The following PRTG variants were observed in gnomAD, a reference collection of about 807,000 sequenced individuals.
PRTG encodes protogenin, also known as immunoglobulin superfamily, DCC subclass, member 5.
In PRTG, 67 loss-of-function variants were observed where a neutral mutation model predicts 122.5. The ratio of observed to expected loss-of-function variants is 0.55; its 90% confidence interval spans 0.45 to 0.67. The LOEUF (loss-of-function observed/expected upper bound fraction) is 0.67, where lower values mean the gene tolerates loss of function less well. PRTG is among the 30% of genes least tolerant of loss of function. The pLI is 0.00. For missense variants in PRTG, 1,435 were observed against 1,415.4 expected (o/e 1.01, Z -0.22); for synonymous variants, 554 against 501.1 (o/e 1.11, Z -1.41).
chr15:55,644,596 C>T (rs576853721), intron 11 of PRTG, among the ~76,000 whole-genome samples: 2 of 152,020 alleles, frequency 1.3e-5, no homozygotes, highest in Admixed American at 6.6e-5. Flanking sequence ...TCCTTTAATG[C>T]CCCAAGCACT....
Position 55,619,783 on chromosome 15 carries a change from A to C in PRTG, c.*229T>G, listed in dbSNP as rs1026141636. 6.5e-6 allele frequency: 4 copies of C among 616,748 alleles called. No individual in the cohort carries two copies. Among genetic ancestry groups the C allele is most frequent in the African/African-American group, 3.7e-5 (2 of 54,458 alleles). 38.2% of individuals were successfully genotyped at this position (616,748 alleles called of 1,614,324 possible). ...TAAAATACCCCATAAAGATATTAAG[A>C]TTTTCACAAAAGGCTTTGGTTCCCT... On this transcript the variant is annotated 3_prime_UTR_variant, in exon 20 of 20. Coordinates refer to ENST00000389286, the MANE Select transcript of PRTG (RefSeq NM_173814.6).
rs765617500 is a variant in PRTG, at chr15:55,611,752, A to G, written c.*8260T>C. On this transcript the variant is annotated 3_prime_UTR_variant, in exon 20 of 20. Transcript: ENST00000389286. Reference sequence around the variant, plus strand: ...AAAAAAAACAAATCTACATTATTAAACAAATATGTTTTAAGAAGACATTAA... The same window carrying G: ...AAAAAAAACAAATCTACATTATTAAGCAAATATGTTTTAAGAAGACATTAA... 2.0e-5 allele frequency: 3 copies of G among 152,124 alleles called. No homozygotes were observed. The highest frequency in any genetic ancestry group is 3.8e-4 in the East Asian group (2 of 5,206). 9.4% of individuals were successfully genotyped at this position (152,124 alleles called of 1,614,324 possible).
Position 55,619,974 on chromosome 15 carries a change from A to C in PRTG, c.*38T>G, listed in dbSNP as rs200256164. ...ACAGCAGGGTCTTCACACTTCCTCAATGCGGAATCTCCACCTGAATCACTG... is the reference window on the plus strand; with the variant it reads ...ACAGCAGGGTCTTCACACTTCCTCACTGCGGAATCTCCACCTGAATCACTG... On this transcript the variant is annotated 3_prime_UTR_variant, in exon 20 of 20. Transcript: ENST00000389286. The C allele has an allele frequency of 2.5e-5, 40 of 1,609,918 alleles. No individual in the cohort carries two copies. The African/African-American group carries it at 3.2e-4, about 13-fold the overall frequency.
intron 17 of PRTG, among the ~76,000 whole-genome samples, chr15:55,625,902 C>T (rs571139223): frequency 2.0e-5 from 3 of 151,978 alleles, no homozygotes; most frequent in East Asian, 1.9e-4. Context: ...GGATTACAGG[C>T]GTGAACCATT....
chr15:55,638,431 T>C (rs576915554), intron 14 of PRTG, 118 bp downstream of exon 14: 90 of 645,938 alleles, frequency 1.4e-4, no homozygotes, highest in Admixed American at 3.7e-4. Flanking sequence ...AACAAATACA[T>C]ATATCAAGTG....
chr15:55,689,232 CCAA>C (rs1198229951), intron 2 of PRTG, among the ~76,000 whole-genome samples: 2 of 152,174 alleles, frequency 1.3e-5, no homozygotes, highest in African/African-American at 4.8e-5. Context: ...ACTTCTAAAA[CCAA>C]CAAGGAAATA....
chr15:55,708,148 TAAAAAAAAAAAA>T (rs35216342), intron 2 of PRTG, among the ~76,000 whole-genome samples: 40 of 70,036 alleles, frequency 5.7e-4, no homozygotes, highest in African/African-American at 2.3e-3. Context: ...AGTAAGCTGG[TAAAAAAAAAAAA>T]AAAAAAAAAA....
At chr15:55,642,368 G>A (rs941254439) in intron 11 of PRTG, among the ~76,000 whole-genome samples, 2 of 151,896 alleles carry the variant, frequency 1.3e-5, no homozygotes, top group African/African-American at 4.8e-5. Flanking sequence ...TGCAATCCCA[G>A]CACTTTGGGA....
Position 55,612,438 on chromosome 15 carries a change from A to G in PRTG, c.*7574T>C, listed in dbSNP as rs1354808156. On this transcript the variant is annotated 3_prime_UTR_variant, in exon 20 of 20. Coordinates refer to ENST00000389286, the MANE Select transcript of PRTG (RefSeq NM_173814.6). The stretch of plus-strand genomic sequence containing the variant: ...GTATATGGATAAGAAAAAAGGGAAA[A>G]TATTTCCTCTAAAAAAAGAAGCCAA... 2 of 151,858 alleles carry G rather than the reference A, an allele frequency of 1.3e-5. No individual in the cohort carries two copies. Among genetic ancestry groups the G allele is most frequent in the African/African-American group, 4.8e-5 (2 of 41,338 alleles). 9.4% of individuals were successfully genotyped at this position (151,858 alleles called of 1,614,324 possible).
intron 11 of PRTG, among the ~76,000 whole-genome samples, chr15:55,663,306 T>C (rs919061826): frequency 6.6e-6 from 1 of 152,194 alleles, no homozygotes; most frequent in African/African-American, 2.4e-5. Flanking sequence ...GGTCATCTGA[T>C]CTCAAAACCC....
At chr15:55,697,484 C>A (rs967821854) in intron 2 of PRTG, among the ~76,000 whole-genome samples, 2 of 152,112 alleles carry the variant, frequency 1.3e-5, no homozygotes, top group African/African-American at 4.8e-5. Context: ...TATAACTCTA[C>A]CGTACAGCCC....
At chr15:55,670,572 G>A (rs2059463633) in intron 11 of PRTG, among the ~76,000 whole-genome samples, 1 of 152,106 alleles carries the variant, frequency 6.6e-6, no homozygotes, top group Non-Finnish European at 1.5e-5. Context: ...CTTAAGGAAG[G>A]TGAAACATAT....
chr15:55,693,080 C>T (rs1280199291), intron 2 of PRTG, among the ~76,000 whole-genome samples: 1 of 151,804 alleles, frequency 6.6e-6, no homozygotes, highest in Non-Finnish European at 1.5e-5. Flanking sequence ...GAACTCCTGG[C>T]TTCAAGTGAT....
intron 11 of PRTG, among the ~76,000 whole-genome samples, chr15:55,670,932 CACACACACACACACACACACACTT>C (rs2059466823): frequency 3.0e-5 from 4 of 133,736 alleles, no homozygotes; most frequent in Admixed American, 3.0e-4. Context: ...CACACACACA[CACACACACACACACACACACACTT>C]TGTGTGTGCA....
intron 2 of PRTG, among the ~76,000 whole-genome samples, chr15:55,736,223 G>C (rs2031408204): frequency 6.6e-6 from 1 of 152,116 alleles, no homozygotes; most frequent in Admixed American, 6.6e-5. Flanking sequence ...ACGCAGGTAA[G>C]AGACTCAGTC....
In PRTG at chr15:55,742,825, A is replaced by G. The variant is rs2031657314; in HGVS notation, c.94+13T>C. On this transcript the variant is annotated intron_variant, in intron 1 of 19. Transcript: ENST00000389286. ...CCACAGCGGTAAGAGAAAGCAGAAG[A>G]AAGCGCGCCCACCTGGCAAAGGACT... The G allele has an allele frequency of 1.3e-6, 2 of 1,541,218 alleles. No individual in the cohort carries two copies. The highest frequency in any genetic ancestry group is 2.8e-5 in the African/African-American group (2 of 71,242).
At chr15:55,704,310 G>A (rs758269556) in intron 2 of PRTG, among the ~76,000 whole-genome samples, 18 of 152,188 alleles carry the variant, frequency 1.2e-4, no homozygotes, top group Non-Finnish European at 2.5e-4. Context: ...GCATTAAGAA[G>A]AGTGAGGTTT....
At chr15:55,652,762 TG>T (rs2059359852) in intron 11 of PRTG, among the ~76,000 whole-genome samples, 1 of 152,174 alleles carries the variant, frequency 6.6e-6, no homozygotes, top group African/African-American at 2.4e-5. Flanking sequence ...ATTTGCACAA[TG>T]CGATCTGCCT....
rs2059132647 is a variant in PRTG at position 55,614,232 on chromosome 15, G to A, written c.*5780C>T. The A allele has an allele frequency of 6.6e-6, 1 of 152,182 alleles. No homozygotes were observed. The highest frequency in any genetic ancestry group is 2.4e-5 in the African/African-American group (1 of 41,538). 9.4% of individuals were successfully genotyped at this position (152,182 alleles called of 1,614,324 possible). On this transcript the variant is annotated 3_prime_UTR_variant, in exon 20 of 20. Coordinates refer to ENST00000389286, the MANE Select transcript of PRTG (RefSeq NM_173814.6). ...ACTAGAGCTTTGAGAACCAGGAAAA[G>A]GCCGATTGGAACCAAAAAAGAATGA...
Sources: gnomAD v4.1 joint callset for allele counts (sites outside exome capture counted in the v4.1 genomes callset) on GRCh38, gnomAD v4.1.1 for gene constraint, MANE v1.5 for transcripts, NCBI Gene and HGNC (gene_info 2026-07-23, HGNC 2026-07-21) for gene names.